CLN6: variants seen among roughly 807,000 people sequenced by gnomAD.
The protein encoded by CLN6 is ceroid-lipofuscinosis neuronal protein 6.
A neutral mutation model predicts 33.3 loss-of-function variants in CLN6; 22 were observed. That is an observed-to-expected ratio of 0.66 (90% CI 0.47 to 0.94). The LOEUF is 0.94. Ranked by LOEUF, CLN6 falls within the 40% of genes least tolerant of loss-of-function variation. The pLI is 0.00. For missense variants in CLN6, 387 were observed against 417.1 expected (o/e 0.93, Z 0.63); for synonymous variants, 201 against 174.6 (o/e 1.15, Z -1.19).
At position 68,210,931 on chromosome 15, in the gene CLN6, AC is replaced by A. The variant is rs2093203135; in HGVS notation, c.542+331del. 6.6e-6 allele frequency among the ~76,000 whole-genome samples: 1 copy of A among 151,598 alleles called. No individual in the cohort carries two copies. ...TATCAGGGACGCGTCCTCCTCCCCC[AC>A]CCTCAGGGCTCAGGCTTGGCGAGGA... is the stretch of plus-strand genomic sequence containing the variant. On this transcript the variant is annotated intron_variant, in intron 5 of 6. Transcript: ENST00000249806. This position sits in a 1 kb window ranked among gnomAD's most constrained non-coding sequence, Gnocchi z 5.6.
rs2093198582 is a variant in CLN6, at chr15:68,209,584, G to A, written c.665+53C>T. ...CCATTGGCAAGTGCAGAATTTTGCTGCCGTGGCTCTCTCAGTGCCCCTGCC... is the reference window on the plus strand; with the variant it reads ...CCATTGGCAAGTGCAGAATTTTGCTACCGTGGCTCTCTCAGTGCCCCTGCC... On this transcript the variant is annotated intron_variant, in intron 6 of 6. Coordinates refer to ENST00000249806, the MANE Select transcript of CLN6 (RefSeq NM_017882.3). The surrounding 1 kb of genome is among the most constrained non-coding windows in gnomAD (Gnocchi z 4.9). 1.2e-5 allele frequency: 20 copies of A among 1,606,422 alleles called. No individual in the cohort carries two copies. Among genetic ancestry groups the A allele is most frequent in the Non-Finnish European group, 1.6e-5 (19 of 1,178,694 alleles).
In CLN6 at chr15:68,227,929, CAG is replaced by C. The variant is rs1376274241; in HGVS notation, c.83+1571_83+1572del. On this transcript the variant is annotated intron_variant, in intron 1 of 6. Coordinates refer to ENST00000249806, the MANE Select transcript of CLN6 (RefSeq NM_017882.3). This position sits in a 1 kb window ranked among gnomAD's most constrained non-coding sequence, Gnocchi z 4.1. ...CCCCCAACTTGGCAAGGATTCGGAA[CAG>C]AGACATCCCGCAGGCAGAAGAGGCT... 6.6e-6 allele frequency among the ~76,000 whole-genome samples: 1 copy of C among 152,160 alleles called. No individual in the cohort carries two copies. Among genetic ancestry groups the C allele is most frequent in the Non-Finnish European group, 1.5e-5 (1 of 68,028 alleles).
Position 68,211,594 on chromosome 15 carries a change from G to A in CLN6, c.486+81C>T, listed in dbSNP as rs1039501606. ...TTTGGTGAAAGGACAGGTGCGGCGA[G>A]GGGTGGGGGCCATTTCTTCAGCCTC... On this transcript the variant is annotated intron_variant, in intron 4 of 6. Coordinates refer to ENST00000249806, the MANE Select transcript of CLN6 (RefSeq NM_017882.3). The surrounding 1 kb of genome is among the most constrained non-coding windows in gnomAD (Gnocchi z 5.9). 6.2e-7 allele frequency: 1 copy of A among 1,603,994 alleles called. No homozygotes were observed. The highest frequency in any genetic ancestry group is 1.3e-5 in the African/African-American group (1 of 74,916).
chr15:68,225,317 A>G (rs144575876), intron 1 of CLN6, among the ~76,000 whole-genome samples: 123 of 152,390 alleles, frequency 8.1e-4, no homozygotes, highest in Non-Finnish European at 1.5e-3. Context: ...CACATTTTAT[A>G]TTAATTTTCA....
intron 1 of CLN6, among the ~76,000 whole-genome samples, chr15:68,221,354 G>A (rs2093235374): frequency 6.6e-6 from 1 of 151,846 alleles, no homozygotes; most frequent in Non-Finnish European, 1.5e-5. Context: ...GCCTCGGCCT[G>A]CCGAGTGCCT....
At chr15:68,249,074 T>C (rs1358931798) in intron 1 of CLN6, among the ~76,000 whole-genome samples, 3 of 152,226 alleles carry the variant, frequency 2.0e-5, no homozygotes, top group Non-Finnish European at 4.4e-5. Context: ...TTTTTTAAAA[T>C]GCTCAACATC....
intron 1 of CLN6, among the ~76,000 whole-genome samples, chr15:68,254,314 T>C (rs1025604688): frequency 6.6e-6 from 1 of 152,154 alleles, no homozygotes; most frequent in African/African-American, 2.4e-5. Context: ...GCAGGTAATG[T>C]TCTCGTTCTT....
At chr15:68,218,322 T>C in intron 2 of CLN6, 2 of 495,546 alleles carry the variant, frequency 4.0e-6, no homozygotes, top group East Asian at 4.1e-5. Context: ...CCCATGAGAG[T>C]TGGGGCAAAG....
rs937754137 is a variant in CLN6, at chr15:68,246,953, C to T, written c.179+9737G>A. On this transcript the variant is annotated intron_variant, in intron 1 of 6. Coordinates refer to the CLN6 transcript ENST00000538696. The surrounding 1 kb of genome is among the most constrained non-coding windows in gnomAD (Gnocchi z 4.5). ...GGCAGATCACTTTAGGTCAGGAGTTCGAGACCAGCCTGGCCAACATATTAA... is the reference window on the plus strand; with the variant it reads ...GGCAGATCACTTTAGGTCAGGAGTTTGAGACCAGCCTGGCCAACATATTAA... 1.3e-5 allele frequency among the ~76,000 whole-genome samples: 2 copies of T among 151,930 alleles called. No individual in the cohort carries two copies. Among genetic ancestry groups the T allele is most frequent in the East Asian group, 1.9e-4 (1 of 5,184 alleles).
chr15:68,224,096 T>A (rs1595824435), intron 1 of CLN6, among the ~76,000 whole-genome samples: 1 of 149,992 alleles, frequency 6.7e-6, no homozygotes, highest in Admixed American at 6.6e-5. Context: ...CTCTAAAAAA[T>A]TAAAAATTAA....
rs571940397 is a variant in CLN6 at position 68,211,330 on chromosome 15, A to T, written c.487-12T>A. 5.2e-5 allele frequency: 84 copies of T among 1,613,850 alleles called. 1 individual carries two copies. In the South Asian group the frequency reaches 8.5e-4, roughly 16 times the overall value. ...TCAAAGGAGTCGATCTGAGGGAGGA[A>T]CGGGCAGGGCAGAGTCGGGGGATGT... On this transcript the variant is annotated splice_polypyrimidine_tract_variant and intron_variant, in intron 4 of 6. Transcript: ENST00000249806. The surrounding 1 kb of genome is among the most constrained non-coding windows in gnomAD (Gnocchi z 5.9).
chr15:68,215,424 T>TA, intron 2 of CLN6: 1 of 152,212 alleles, frequency 6.6e-6, no homozygotes, highest in Non-Finnish European at 1.5e-5. Flanking sequence ...TAGTACTTCT[T>TA]ACCATGGAAG....
Position 68,211,357 on chromosome 15 carries a change from G to A in CLN6, c.487-39C>T, listed in dbSNP as rs116956347. On this transcript the variant is annotated intron_variant, in intron 4 of 6. Coordinates refer to ENST00000249806, the MANE Select transcript of CLN6 (RefSeq NM_017882.3). This position sits in a 1 kb window ranked among gnomAD's most constrained non-coding sequence, Gnocchi z 5.9. Reference sequence around the variant, plus strand: ...GGGCAGGGCAGAGTCGGGGGATGTCGATGTCAGTCCAGGGAGGTGCTGGGG... The same window carrying A: ...GGGCAGGGCAGAGTCGGGGGATGTCAATGTCAGTCCAGGGAGGTGCTGGGG... 8.4e-3 allele frequency: 13,516 copies of A among 1,610,740 alleles called. 86 individuals are homozygous for A. The highest frequency in any genetic ancestry group is 0.035 in the East Asian group (1,567 of 44,850).
At chr15:68,251,452 A>G (rs974678112) in intron 1 of CLN6, among the ~76,000 whole-genome samples, 3 of 152,086 alleles carry the variant, frequency 2.0e-5, no homozygotes, top group African/African-American at 7.2e-5. Flanking sequence ...AGGCGGGTGG[A>G]TGGATTGAGC....
At position 68,208,551 on chromosome 15, in the gene CLN6, T is replaced by C; in HGVS notation, c.666-141A>G. On this transcript the variant is annotated intron_variant, in intron 6 of 6. Transcript: ENST00000249806. The surrounding 1 kb of genome is among the most constrained non-coding windows in gnomAD (Gnocchi z 5.8). ...GCCAGGGCTCAGAGAACTATGCCGC[T>C]CTAAGCCACAGCCCATGGGCAGCAT... 1 of 829,288 alleles carries C rather than the reference T, an allele frequency of 1.2e-6. No individual in the cohort carries two copies. The highest frequency in any genetic ancestry group is 1.6e-5 in the South Asian group (1 of 64,448). The allele number at this position is 829,288 out of a possible 1,614,324, so 51.4% of individuals were successfully genotyped here.
Position 68,210,752 on chromosome 15 carries a change from G to C in CLN6, c.542+511C>G, listed in dbSNP as rs1463633931. Among the ~76,000 whole-genome samples the C allele has an allele frequency of 1.3e-5, 2 of 152,166 alleles. No individual in the cohort carries two copies. The highest frequency in any genetic ancestry group is 4.8e-5 in the African/African-American group (2 of 41,444). Reference sequence around the variant, plus strand: ...GGTAGGAAAAGGTGCCCCTCTGGGAGTTCTGAAGAGGGGGGAGCGCAAACA... The same window carrying C: ...GGTAGGAAAAGGTGCCCCTCTGGGACTTCTGAAGAGGGGGGAGCGCAAACA... On this transcript the variant is annotated intron_variant, in intron 5 of 6. Transcript: ENST00000249806. The surrounding 1 kb of genome is among the most constrained non-coding windows in gnomAD (Gnocchi z 5.6).
At chr15:68,237,858 C>T (rs7162963) in intron 1 of CLN6, among the ~76,000 whole-genome samples, 11,138 of 152,180 alleles carry the variant, frequency 0.073, 1,127 homozygotes, top group African/African-American at 0.23. Context: ...GGTGTGGTGG[C>T]GCACGCCTGT....
chr15:68,256,697 C>T lies in CLN6; in HGVS notation c.172G>A (p.Gly58Ser). ...CATTGCCTTGAAACTTACTTTTTAC[C>T]TTTGAATTTGAGTTTTCTCAGCGAA... The change falls in exon 1 of 7, where the codon GGT (glycine) becomes AGT (serine). Residue 58 changes from glycine (G) to serine (S), a missense_variant. Gly to Ser is a moderately conservative substitution (Grantham distance 56). Transcript: ENST00000538696. This position sits in a 1 kb window ranked among gnomAD's most constrained non-coding sequence, Gnocchi z 4.1. The T allele has an allele frequency of 1.5e-6, 1 of 669,830 alleles. No individual in the cohort carries two copies. Among genetic ancestry groups the T allele is most frequent in the Non-Finnish European group, 2.7e-6 (1 of 367,762 alleles). 41.5% of individuals were successfully genotyped at this position (669,830 alleles called of 1,614,324 possible). A position where few individuals can be genotyped will look rare whatever the true frequency, so the allele number is the denominator to read the frequency against.
At chr15:68,230,737 C>G (rs901955686), upstream of CLN6, among the ~76,000 whole-genome samples, 1 of 152,162 alleles carries the variant, frequency 6.6e-6, no homozygotes, top group African/African-American at 2.4e-5. The surrounding 1 kb of genome is among the most constrained non-coding windows in gnomAD (Gnocchi z 4.0). Context: ...TACAATAGCC[C>G]GTCTCGAGAC....
Sources: allele counts gnomAD v4.1 joint callset (sites outside exome capture counted in the v4.1 genomes callset), GRCh38; gene constraint gnomAD v4.1.1; non-coding constraint Gnocchi (gnomAD v3.1); transcripts MANE v1.5; gene names NCBI Gene and HGNC (gene_info 2026-07-23, HGNC 2026-07-21).